The following ARID2 variants were observed in gnomAD, a reference collection of about 807,000 sequenced individuals.
The protein encoded by ARID2 is AT-rich interactive domain-containing protein 2.
A neutral mutation model predicts 184.6 loss-of-function variants in ARID2; 32 were observed. The ratio of observed to expected loss-of-function variants is 0.17; its 90% CI spans 0.13 to 0.23. ARID2 has a LOEUF of 0.23. Among genes scored for constraint, ARID2 ranks in the 10% least tolerant of loss-of-function variants. The pLI is 1.00. For missense variants in ARID2, 1,696 were observed against 2,197.6 expected, an observed-to-expected ratio of 0.77 and a Z score of 4.56; for synonymous variants, 836 against 772.6, an observed-to-expected ratio of 1.08 and a Z score of -1.36.
At chr12:45,741,530 A>G in intron 3 of ARID2, among the ~76,000 whole-genome samples, 1 of 151,996 alleles carries the variant, frequency 6.6e-6, no homozygotes, top group Non-Finnish European at 1.5e-5. Flanking sequence ...TATGGGACAT[A>G]TTTTCATTCT....
chr12:45,837,401 A>G lies in ARID2; in HGVS notation c.1104A>G (p.Arg368=), dbSNP rs1405500828. The G allele has an allele frequency of 5.6e-6, 9 of 1,611,946 alleles. No individual in the cohort carries two copies. Among genetic ancestry groups the G allele is most frequent in the Middle Eastern group, 1.7e-4 (1 of 6,040 alleles). The change falls in exon 9 of 21, where the codon AGA becomes AGG. Residue 368 remains arginine, a synonymous_variant. Transcript: ENST00000334344. ...CAAAATGTCTAATGTCAAGGGATAG[A>G]TTTTTAAAGATGAGAGGTGAGTTTT... ...TVTKCLMSRD[R]FLKMRGMEIL...
rs377374046 is a variant in ARID2, at chr12:45,896,169, C to T, written c.5363+2448C>T. Among the ~76,000 whole-genome samples, 88 of 152,262 alleles carry T rather than the reference C, an allele frequency of 5.8e-4. 1 individual carries two copies. The highest frequency in any genetic ancestry group is 1.3e-3 in the African/African-American group (54 of 41,560). On this transcript the variant is annotated intron_variant, in intron 20 of 20. Transcript: ENST00000334344. ...TCGTATAGACAGGGCAGCTCTGCTG[C>T]GGAGATGGTCAATGTGCCTAAAACC... is the stretch of plus-strand genomic sequence containing the variant.
At chr12:45,763,019 G>A (rs1048315170) in intron 3 of ARID2, among the ~76,000 whole-genome samples, 2 of 152,196 alleles carry the variant, frequency 1.3e-5, no homozygotes, top group Non-Finnish European at 2.9e-5. Flanking sequence ...CTTGGATACT[G>A]TGCTAAGTGT....
intron 3 of ARID2, among the ~76,000 whole-genome samples, chr12:45,792,600 A>G (rs371482887): frequency 5.9e-5 from 9 of 152,236 alleles, no homozygotes; most frequent in East Asian, 1.9e-4. Context: ...TGTTTCTTCA[A>G]TTATTAAGAG....
chr12:45,899,657 A>T (rs1944423239), intron 20 of ARID2, among the ~76,000 whole-genome samples: 1 of 97,490 alleles, frequency 1.0e-5, no homozygotes, highest in African/African-American at 3.7e-5. Flanking sequence ...ATTTGGTTAT[A>T]TATATATATA....
At chr12:45,735,737 G>A (rs1941103277) in intron 3 of ARID2, among the ~76,000 whole-genome samples, 1 of 152,132 alleles carries the variant, frequency 6.6e-6, no homozygotes, top group Non-Finnish European at 1.5e-5. Flanking sequence ...AAAGTTGAAA[G>A]ACTTATCAAA....
rs748902977 is a variant in ARID2, at chr12:45,839,412, A to T, written c.1414A>T (p.Ser472Cys). 2 of 1,614,162 alleles carry T rather than the reference A, an allele frequency of 1.2e-6. No individual in the cohort carries two copies. The highest frequency in any genetic ancestry group is 1.7e-6 in the Non-Finnish European group (2 of 1,180,004). The change falls in exon 11 of 21, where the codon AGT (serine) becomes TGT (cysteine). Residue 472 changes from serine to cysteine, a missense_variant. Transcript: ENST00000334344. ...LAAVKLIEHP[S>C]SSHQMLSEIR... ...TGCGGTAAAACTCATTGAACACCCA[A>T]GTTCCAGTCATCAAATGTTATCTGA...
In ARID2 at chr12:45,891,857, G is replaced by A. The variant is rs756863039; in HGVS notation, c.5000G>A (p.Cys1667Tyr). The A allele has an allele frequency of 6.2e-7, 1 of 1,614,210 alleles. No individual in the cohort carries two copies. The highest frequency in any genetic ancestry group is 8.5e-7 in the Non-Finnish European group (1 of 1,180,022). ...GGAAAAGATGTATATCCAGGGCAGTGTCTTTGGGAAGGTTGTGAGCCTTTT... is the reference window on the plus strand; with the variant it reads ...GGAAAAGATGTATATCCAGGGCAGTATCTTTGGGAAGGTTGTGAGCCTTTT... Reference protein sequence around the residue: ...HGGKDVYPGQCLWEGCEPFQR... With the variant: ...HGGKDVYPGQYLWEGCEPFQR... Residue 1667 changes from cysteine (C) to tyrosine (Y), a missense_variant, in exon 17 of 21, where the codon TGT (cysteine) becomes TAT (tyrosine). Transcript: ENST00000334344.
chr12:45,824,788 A>G (rs1942962353), intron 6 of ARID2, among the ~76,000 whole-genome samples: 1 of 151,736 alleles, frequency 6.6e-6, no homozygotes, highest in South Asian at 2.1e-4. Context: ...TGTGCATTGC[A>G]GCATTATTCA....
At chr12:45,846,823 G>A in intron 11 of ARID2, 33 bp from the exon 12 acceptor site, 1 of 1,604,716 alleles carries the variant, frequency 6.2e-7, no homozygotes, top group Non-Finnish European at 8.5e-7. Flanking sequence ...TAACTTTTAA[G>A]AAATGATGTA....
At chr12:45,853,017 A>G (rs867396637) in intron 15 of ARID2, 121 bp downstream of exon 15, 1 of 1,375,124 alleles carries the variant, frequency 7.3e-7, no homozygotes, top group South Asian at 1.8e-5. Flanking sequence ...GCTCACTTGT[A>G]TCCAACCTGT....
At chr12:45,844,603 C>A (rs1943409422) in intron 11 of ARID2, among the ~76,000 whole-genome samples, 1 of 152,170 alleles carries the variant, frequency 6.6e-6, no homozygotes, top group African/African-American at 2.4e-5. Flanking sequence ...GTTTCTAATT[C>A]TCTCTTTAGT....
Position 45,729,946 on chromosome 12 carries a change from G to T in ARID2, c.92+18G>T. The stretch of plus-strand genomic sequence containing the variant: ...AGCAGAGGGTGAGAGCAGAACCGGG[G>T]GGGCAGCGCCGGGGCGAGCCGGGGC... On this transcript the variant is annotated intron_variant, in intron 1 of 20. Coordinates refer to ENST00000334344, the MANE Select transcript of ARID2 (RefSeq NM_152641.4). 6.2e-7 allele frequency: 1 copy of T among 1,605,342 alleles called. No individual in the cohort carries two copies. The highest frequency in any genetic ancestry group is 8.5e-7 in the Non-Finnish European group (1 of 1,175,774).
At chr12:45,879,905 G>A (rs1944072659) in intron 16 of ARID2, among the ~76,000 whole-genome samples, 1 of 152,150 alleles carries the variant, frequency 6.6e-6, no homozygotes, top group Non-Finnish European at 1.5e-5. Flanking sequence ...TAAATTCTGT[G>A]TAATTGGAGA....
At chr12:45,776,008 G>A (rs1458491231) in intron 3 of ARID2, 1 of 166,646 alleles carries the variant, frequency 6.0e-6, no homozygotes, top group Non-Finnish European at 1.5e-5. Context: ...AGGCAAGAGA[G>A]TATTTGCTTA....
intron 3 of ARID2, among the ~76,000 whole-genome samples, chr12:45,771,405 C>G (rs1365294331): frequency 6.6e-6 from 1 of 150,634 alleles, no homozygotes; most frequent in African/African-American, 2.4e-5. Context: ...TGGCTGAAAC[C>G]TGAAATCCCA....
At chr12:45,746,822 A>C (rs1022238573) in intron 3 of ARID2, among the ~76,000 whole-genome samples, 1 of 152,140 alleles carries the variant, frequency 6.6e-6, no homozygotes, top group Non-Finnish European at 1.5e-5. Flanking sequence ...GCTGGAGTGC[A>C]GTGGCGCGAT....
At chr12:45,799,336 ACTTG>A (rs1942452061) in intron 3 of ARID2, among the ~76,000 whole-genome samples, 1 of 152,192 alleles carries the variant, frequency 6.6e-6, no homozygotes, top group South Asian at 2.1e-4. Flanking sequence ...TTATTTTGAT[ACTTG>A]CTTTTCCTCA....
intron 16 of ARID2, among the ~76,000 whole-genome samples, chr12:45,890,864 G>A (rs1350404342): frequency 1.3e-5 from 2 of 151,984 alleles, no homozygotes; most frequent in African/African-American, 2.4e-5. Flanking sequence ...CTTTGCTGTA[G>A]ATCTTAAAGA....
Sources: gnomAD v4.1 joint callset for allele counts (sites outside exome capture counted in the v4.1 genomes callset) on GRCh38, gnomAD v4.1.1 for gene constraint, MANE v1.5 for transcripts, NCBI Gene and HGNC (gene_info 2026-07-23, HGNC 2026-07-21) for gene names.